ATOSA: variants seen among roughly 807,000 people sequenced by gnomAD.
ATOSA encodes atos homolog A, also known as atos homolog protein A.
At chr15:52,652,074 C>T in the ATOSA span, 5 of 1,445,526 alleles carry the variant, frequency 3.5e-6, no homozygotes, top group Admixed American at 2.7e-5. Context: ...AGTAAGAGCG[C>T]ACATAGCAAC....
chr15:52,640,330 T>G, the ATOSA span, among the ~76,000 whole-genome samples: 57 of 151,728 alleles, frequency 3.8e-4, no homozygotes, highest in Non-Finnish European at 7.5e-4. Context: ...ACACCTGTAA[T>G]CCCAGCACTT....
the ATOSA span, chr15:52,613,838 A>C: frequency 2.5e-6 from 4 of 1,613,744 alleles, no homozygotes; most frequent in Non-Finnish European, 3.4e-6. Context: ...CATCATATTC[A>C]AAATATTCAT....
chr15:52,643,142 G>A, the ATOSA span, among the ~76,000 whole-genome samples: 66 of 151,982 alleles, frequency 4.3e-4, no homozygotes, highest in Non-Finnish European at 8.2e-4. Flanking sequence ...TTATAAAGAC[G>A]TACCATGAAA....
the ATOSA span, among the ~76,000 whole-genome samples, chr15:52,694,413 T>C: frequency 1.3e-5 from 2 of 152,010 alleles, no homozygotes; most frequent in African/African-American, 2.4e-5. Flanking sequence ...TGATCCGCTT[T>C]CCTTGGCCTC....
the ATOSA span, among the ~76,000 whole-genome samples, chr15:52,621,945 G>A: frequency 6.6e-6 from 1 of 152,038 alleles, no homozygotes; most frequent in Non-Finnish European, 1.5e-5. Flanking sequence ...TGCCTATGGG[G>A]TTCAAGCAAT....
the ATOSA span, among the ~76,000 whole-genome samples, chr15:52,694,106 T>G: frequency 6.6e-6 from 1 of 151,932 alleles, no homozygotes; most frequent in Non-Finnish European, 1.5e-5. Flanking sequence ...TATGACCCAC[T>G]TAATCCCTCA....
chr15:52,683,059 A>G, the ATOSA span, among the ~76,000 whole-genome samples: 1 of 152,254 alleles, frequency 6.6e-6, no homozygotes, highest in African/African-American at 2.4e-5. Context: ...GCTTAGAAAT[A>G]CAAGGGCCTC....
chr15:52,634,924 G>T, the ATOSA span, among the ~76,000 whole-genome samples: 1 of 151,906 alleles, frequency 6.6e-6, no homozygotes, highest in Non-Finnish European at 1.5e-5. Flanking sequence ...TGAATATAAA[G>T]AAATAATAGG....
chr15:52,611,662 G>T, the ATOSA span: 1 of 1,613,948 alleles, frequency 6.2e-7, no homozygotes, highest in East Asian at 2.2e-5. Flanking sequence ...TCCCTCTGTG[G>T]TGGGCCCATC....
chr15:52,610,340 T>G, the ATOSA span: 1 of 1,612,298 alleles, frequency 6.2e-7, no homozygotes, highest in Non-Finnish European at 8.5e-7. Context: ...TCAATTGGAG[T>G]CTGTGAAAAA....
chr15:52,593,721 A>G, the ATOSA span: 3 of 1,540,878 alleles, frequency 1.9e-6, no homozygotes, highest in Non-Finnish European at 2.6e-6. Context: ...TCGAAACGAT[A>G]GTTCAAGACA....
At chr15:52,651,615 TA>T in the ATOSA span, among the ~76,000 whole-genome samples, 1 of 152,318 alleles carries the variant, frequency 6.6e-6, no homozygotes, top group Non-Finnish European at 1.5e-5. Context: ...GAGCACATTG[TA>T]CTTGGTTTCT....
At chr15:52,635,821 C>T in the ATOSA span, among the ~76,000 whole-genome samples, 1 of 151,920 alleles carries the variant, frequency 6.6e-6, no homozygotes, top group African/African-American at 2.4e-5. Context: ...CACGGTGAAA[C>T]CCCATCTCTA....
chr15:52,613,470 C>T, the ATOSA span, among the ~76,000 whole-genome samples: 3 of 152,306 alleles, frequency 2.0e-5, no homozygotes, highest in East Asian at 5.8e-4. Context: ...CACTGATCAG[C>T]AGAGTTACCT....
the ATOSA span, among the ~76,000 whole-genome samples, chr15:52,665,548 A>C: frequency 6.6e-6 from 1 of 152,042 alleles, no homozygotes; most frequent in Non-Finnish European, 1.5e-5. Flanking sequence ...AAAAATTGGC[A>C]CTTTTTTTTT....
chr15:52,608,907 G>A, the ATOSA span: 1 of 1,607,674 alleles, frequency 6.2e-7, no homozygotes, highest in South Asian at 1.1e-5. Context: ...GATTGCCAAA[G>A]AATTTTGGAT....
chr15:52,596,312 C>A, the ATOSA span, among the ~76,000 whole-genome samples: 1 of 152,026 alleles, frequency 6.6e-6, no homozygotes, highest in Non-Finnish European at 1.5e-5. Context: ...TGGAAATAGA[C>A]AAGATGATTC....
At chr15:52,651,724 A>G in the ATOSA span, 2 of 770,044 alleles carry the variant, frequency 2.6e-6, no homozygotes, top group Non-Finnish European at 4.1e-6. Context: ...AAATTCTCTA[A>G]GTTCAATGGT....
At chr15:52,586,958 G>T in the ATOSA span, 7 of 1,133,054 alleles carry the variant, frequency 6.2e-6, no homozygotes, top group Non-Finnish European at 6.0e-6. Context: ...ACCTTGATTA[G>T]CTTATTAATG....
Sources: allele counts gnomAD v4.1 joint callset (sites outside exome capture counted in the v4.1 genomes callset), GRCh38; gene constraint gnomAD v4.1.1; transcripts MANE v1.5; gene names NCBI Gene and HGNC (gene_info 2026-07-23, HGNC 2026-07-21).